ELMO1: variants seen among roughly 807,000 people sequenced by gnomAD.
ELMO1 encodes the protein engulfment and cell motility 1, also known as engulfment and cell motility protein 1.
A neutral mutation model predicts 98.9 loss-of-function variants in ELMO1; 26 were observed. That is an observed-to-expected ratio of 0.26 (90% CI 0.19 to 0.36). The LOEUF (loss-of-function observed/expected upper bound fraction) is 0.36. Ranked by LOEUF, ELMO1 falls within the 10% of genes least tolerant of loss-of-function variation. ELMO1 has a pLI of 1.00. For missense variants in ELMO1, 627 were observed against 935.2 expected (o/e 0.67, Z 4.30); for synonymous variants, 346 against 346.0 (o/e 1.00, Z 0.00).
chr7:36,968,015 A>G (rs910864729), intron 16 of ELMO1, among the ~76,000 whole-genome samples: 3 of 152,220 alleles, frequency 2.0e-5, no homozygotes, highest in African/African-American at 4.8e-5. Context: ...CTTCCAATTG[A>G]GTAATATTAG....
chr7:37,126,238 T>C (rs891074239), intron 14 of ELMO1, among the ~76,000 whole-genome samples: 2 of 150,702 alleles, frequency 1.3e-5, no homozygotes, highest in Non-Finnish European at 3.0e-5. Context: ...ATGGCACATG[T>C]ATACATATGT....
At chr7:37,378,365 A>G (rs1356820987) in intron 1 of ELMO1, among the ~76,000 whole-genome samples, 1 of 152,242 alleles carries the variant, frequency 6.6e-6, no homozygotes, top group Non-Finnish European at 1.5e-5. Context: ...AACCTGCACC[A>G]GGAAAACCAC....
At chr7:37,144,874 C>T (rs1411109684) in intron 13 of ELMO1, among the ~76,000 whole-genome samples, 4 of 152,142 alleles carry the variant, frequency 2.6e-5, no homozygotes, top group Admixed American at 6.5e-5. Flanking sequence ...AGTTTTTCAG[C>T]GGAATGATTT....
At chr7:37,077,401 C>T (rs546001934) in intron 15 of ELMO1, among the ~76,000 whole-genome samples, 7 of 152,110 alleles carry the variant, frequency 4.6e-5, no homozygotes, top group Non-Finnish European at 7.4e-5. Context: ...AGAGGAAGCA[C>T]GTCACACTGA....
chr7:37,009,931 T>G (rs572099007), intron 16 of ELMO1, among the ~76,000 whole-genome samples: 124 of 152,320 alleles, frequency 8.1e-4, no homozygotes, highest in African/African-American at 2.9e-3. Context: ...AGAAGAAAAG[T>G]GAACTGATTT....
chr7:37,430,656 T>C (rs993041287), intron 1 of ELMO1, among the ~76,000 whole-genome samples: 2 of 152,268 alleles, frequency 1.3e-5, no homozygotes, highest in African/African-American at 4.8e-5. Context: ...CGCGATGGCC[T>C]CTGGCCACAG....
At chr7:36,919,002 T>C (rs1269924539) in intron 16 of ELMO1, among the ~76,000 whole-genome samples, 1 of 152,130 alleles carries the variant, frequency 6.6e-6, no homozygotes, top group African/African-American at 2.4e-5. Context: ...ATTCAGTCAG[T>C]CAGTCAGTCA....
At chr7:37,438,002 G>A (rs1256061534) in intron 1 of ELMO1, among the ~76,000 whole-genome samples, 24 of 142,964 alleles carry the variant, frequency 1.7e-4, no homozygotes, top group African/African-American at 5.8e-4. Flanking sequence ...AAAAAAAAAA[G>A]AAATATACAA....
intron 14 of ELMO1, among the ~76,000 whole-genome samples, chr7:37,104,274 T>C (rs1784822474): frequency 6.6e-6 from 1 of 151,572 alleles, no homozygotes; most frequent in African/African-American, 2.4e-5. Flanking sequence ...TGTGTTAAAA[T>C]TATATGGTAC....
At chr7:37,211,635 GAA>G in intron 12 of ELMO1, 118 bp from the exon 13 acceptor site, 1 of 1,326,088 alleles carries the variant, frequency 7.5e-7, no homozygotes, top group Non-Finnish European at 1.0e-6. Flanking sequence ...TCAGGCAAAA[GAA>G]AAACAGATAA....
At chr7:37,416,291 A>G (rs1352910977) in intron 1 of ELMO1, among the ~76,000 whole-genome samples, 1 of 152,238 alleles carries the variant, frequency 6.6e-6, no homozygotes, top group Non-Finnish European at 1.5e-5. Flanking sequence ...TTTGACTTGC[A>G]GTCCACTCTC....
chr7:37,337,501 A>G (rs1800480646), intron 2 of ELMO1, among the ~76,000 whole-genome samples: 1 of 150,010 alleles, frequency 6.7e-6, no homozygotes, highest in African/African-American at 2.5e-5. Context: ...CGTTGTGCAC[A>G]TGTACCCTAA....
intron 18 of ELMO1, among the ~76,000 whole-genome samples, chr7:36,883,825 G>A (rs1483321370): frequency 2.6e-5 from 4 of 152,162 alleles, no homozygotes; most frequent in Non-Finnish European, 5.9e-5. Flanking sequence ...GACTAATACA[G>A]TGTCCCTAAC....
chr7:37,414,431 A>C (rs1182168310), intron 1 of ELMO1, among the ~76,000 whole-genome samples: 1 of 152,208 alleles, frequency 6.6e-6, no homozygotes, highest in East Asian at 1.9e-4. Context: ...TAAATTCATT[A>C]ATCTAAATTA....
intron 16 of ELMO1, among the ~76,000 whole-genome samples, chr7:36,991,570 C>G (rs1301304856): frequency 1.3e-5 from 2 of 152,166 alleles, no homozygotes; most frequent in Non-Finnish European, 2.9e-5. Flanking sequence ...AGTCAGAAGA[C>G]CTTTTTACAG....
chr7:37,324,383 G>A (rs966730691), intron 2 of ELMO1, among the ~76,000 whole-genome samples: 1 of 125,544 alleles, frequency 8.0e-6, no homozygotes, highest in African/African-American at 2.9e-5. Flanking sequence ...GCCTCTGCCT[G>A]CCTCAAAATG....
chr7:37,415,447 C>G (rs1804173026), intron 1 of ELMO1, among the ~76,000 whole-genome samples: 1 of 152,174 alleles, frequency 6.6e-6, no homozygotes, highest in African/African-American at 2.4e-5. Context: ...GAGTTCAACT[C>G]TTGGCTCTAC....
At chr7:37,011,271 C>T (rs1325058746) in intron 16 of ELMO1, among the ~76,000 whole-genome samples, 2 of 152,166 alleles carry the variant, frequency 1.3e-5, no homozygotes, top group East Asian at 3.8e-4. Context: ...AGGATGTCTG[C>T]CACCAATCTG....
intron 1 of ELMO1, among the ~76,000 whole-genome samples, chr7:37,383,297 G>T (rs1323606455): frequency 6.6e-6 from 1 of 152,096 alleles, no homozygotes; most frequent in Non-Finnish European, 1.5e-5. Flanking sequence ...CTTTCATGAC[G>T]CTGACATTTT....
Sources: gnomAD v4.1 joint callset for allele counts (sites outside exome capture counted in the v4.1 genomes callset) on GRCh38, gnomAD v4.1.1 for gene constraint, MANE v1.5 for transcripts, NCBI Gene and HGNC (gene_info 2026-07-23, HGNC 2026-07-21) for gene names.